The following ANKRD30A variants were observed in gnomAD, a reference collection of about 807,000 sequenced individuals.
The protein encoded by ANKRD30A is ankyrin repeat domain-containing protein 30A.
A neutral mutation model predicts 166.3 loss-of-function variants in ANKRD30A; 170 were observed. The ratio of observed to expected loss-of-function variants is 1.02; its 90% CI spans 0.90 to 1.16. The LOEUF is 1.16. ANKRD30A is among the 50% of genes most tolerant of loss of function. ANKRD30A has a pLI of 0.00. For missense variants in ANKRD30A, 1,630 were observed against 1,518.0 expected (o/e 1.07, Z -1.23); for synonymous variants, 564 against 508.9 (o/e 1.11, Z -1.46).
intron 6 of ANKRD30A, among the ~76,000 whole-genome samples, chr10:37,139,398 A>G (rs1836947474): frequency 6.6e-6 from 1 of 152,196 alleles, no homozygotes; most frequent in African/African-American, 2.4e-5. Flanking sequence ...AAAAGCTTTG[A>G]GTCAACACAC....
At chr10:37,201,370 C>A (rs772370501) in intron 31 of ANKRD30A, 45 bp downstream of exon 31, 1 of 1,408,728 alleles carries the variant, frequency 7.1e-7, no homozygotes, top group Admixed American at 2.2e-5. Context: ...CCAAGTATTT[C>A]TCTAAAATGA....
At position 37,193,560 on chromosome 10, in the gene ANKRD30A, CTG is replaced by C. The variant is rs753567998; in HGVS notation, c.2614+305_2614+306del. On this transcript the variant is annotated intron_variant, in intron 27 of 35. Coordinates refer to ENST00000361713, the MANE Select transcript of ANKRD30A (RefSeq NM_052997.3). ...GTTTTAAGGTAGGTGAATTTTGAGA[CTG>C]TGAAATATTTGCAGTGGTTCAAAGG... Among the ~76,000 whole-genome samples, 4 of 151,942 alleles carry C rather than the reference CTG, an allele frequency of 2.6e-5. No individual in the cohort carries two copies. In the East Asian group the frequency reaches 5.8e-4, roughly 22 times the overall value.
the ANKRD30A span, among the ~76,000 whole-genome samples, chr10:37,254,683 CTTT>C: frequency 7.9e-6 from 1 of 126,536 alleles, no homozygotes; most frequent in Non-Finnish European, 1.7e-5. Context: ...CTTTTCTTTT[CTTT>C]TTTTTTTTTT....
At chr10:37,165,255 C>A in intron 18 of ANKRD30A, 100 bp downstream of exon 18, 1 of 1,122,964 alleles carries the variant, frequency 8.9e-7, no homozygotes, top group Non-Finnish European at 1.3e-6. Flanking sequence ...GCATGTGTCA[C>A]CCTCAAATTA....
At chr10:37,166,749 A>T in intron 19 of ANKRD30A, 54 bp downstream of exon 19, 2 of 1,607,458 alleles carry the variant, frequency 1.2e-6, no homozygotes, top group Non-Finnish European at 8.5e-7. Flanking sequence ...CTCTAAACTG[A>T]TGAGGAAGGA....
chr10:37,258,366 T>A, the ANKRD30A span, among the ~76,000 whole-genome samples: 1 of 152,134 alleles, frequency 6.6e-6, no homozygotes, highest in African/African-American at 2.4e-5. Context: ...AGCTCAAGAA[T>A]GTATACCATC....
At position 37,197,269 on chromosome 10, in the gene ANKRD30A, T is replaced by A. The variant is rs1370005201; in HGVS notation, c.2615-12T>A. ...TACTTATGATTGATGATAAATCTCT[T>A]TTGCTTTTTAGAGCCTCCCGAGAAG... On this transcript the variant is annotated splice_polypyrimidine_tract_variant and intron_variant, in intron 27 of 35. Transcript: ENST00000361713. 2 of 1,612,176 alleles carry A rather than the reference T, an allele frequency of 1.2e-6. No individual in the cohort carries two copies. Among genetic ancestry groups the A allele is most frequent in the Admixed American group, 1.7e-5 (1 of 59,950 alleles).
At chr10:37,195,140 G>T (rs563322475) in intron 27 of ANKRD30A, among the ~76,000 whole-genome samples, 9 of 152,272 alleles carry the variant, frequency 5.9e-5, no homozygotes, top group Admixed American at 2.6e-4. Flanking sequence ...CAGATCAGAA[G>T]TTAGAACAAG....
the ANKRD30A span, among the ~76,000 whole-genome samples, chr10:37,239,597 A>G: frequency 1.5e-4 from 23 of 152,284 alleles, no homozygotes; most frequent in Non-Finnish European, 2.9e-4. Context: ...TTAATAAAGG[A>G]CAGAGTTTTG....
At chr10:37,234,724 T>C (rs1843599050), downstream of ANKRD30A, among the ~76,000 whole-genome samples, 1 of 152,234 alleles carries the variant, frequency 6.6e-6, no homozygotes. Flanking sequence ...AATTTTCTAA[T>C]AATTTATTTA....
chr10:37,231,341 C>A lies in ANKRD30A; in HGVS notation c.4186-120C>A, dbSNP rs368571346. ...CTCACACATCTTCATTGTTAAAGCA[C>A]GGCTTAATGGGAAATGTTATTTATT... is the stretch of plus-strand genomic sequence containing the variant. On this transcript the variant is annotated intron_variant, in intron 34 of 35. Transcript: ENST00000361713. 8.5e-6 allele frequency: 6 copies of A among 705,020 alleles called. No homozygotes were observed. The African/African-American group carries it at 9.3e-5, about 11-fold the overall frequency. 43.7% of individuals were successfully genotyped at this position (705,020 alleles called of 1,614,324 possible). A position where few individuals can be genotyped will look rare whatever the true frequency, so the allele number is the denominator to read the frequency against.
At chr10:37,157,089 T>A (rs1448984637) in intron 13 of ANKRD30A, among the ~76,000 whole-genome samples, 1 of 152,188 alleles carries the variant, frequency 6.6e-6, no homozygotes, top group Non-Finnish European at 1.5e-5. Flanking sequence ...AATGAGTGAT[T>A]AAACATGTTT....
At chr10:37,126,052 G>A (rs539960679) in intron 1 of ANKRD30A, 44 bp downstream of exon 1, 8 of 1,599,696 alleles carry the variant, frequency 5.0e-6, no homozygotes, top group South Asian at 4.4e-5. Context: ...GGAGGTGGGG[G>A]CGGTGGGAGG....
At chr10:37,183,507 T>G (rs1840177470) in intron 24 of ANKRD30A, among the ~76,000 whole-genome samples, 1 of 146,904 alleles carries the variant, frequency 6.8e-6, no homozygotes, top group Non-Finnish European at 1.5e-5. Flanking sequence ...CTCTTTTTCT[T>G]TTTTAAAAAG....
the ANKRD30A span, chr10:37,241,297 TATATA>T: frequency 6.6e-6 from 1 of 150,986 alleles, no homozygotes; most frequent in South Asian, 2.1e-4. Context: ...TTTTTAAAAT[TATATA>T]ATATAAAAAA....
chr10:37,260,663 G>A, the ANKRD30A span, among the ~76,000 whole-genome samples: 1 of 152,122 alleles, frequency 6.6e-6, no homozygotes, highest in African/African-American at 2.4e-5. Flanking sequence ...CATAAAAGTC[G>A]ATTCTTCAAC....
rs1372889334 is a variant in ANKRD30A at position 37,219,347 on chromosome 10, T to C, written c.3635T>C (p.Ile1212Thr). Residue 1212 changes from isoleucine to threonine, a missense_variant, in exon 34 of 36, where the codon ATT becomes ACT. Coordinates refer to ENST00000361713, the MANE Select transcript of ANKRD30A (RefSeq NM_052997.3). ...TCTGCTGTACAAGACCATGATCAAA[T>C]TGTGACATCAAGAAAAAGTCAAGAA... ...LASAVQDHDQ[I>T]VTSRKSQEPA... is the part of the protein sequence containing the mutation. 1 of 1,610,268 alleles carries C rather than the reference T, an allele frequency of 6.2e-7. No homozygotes were observed. Among genetic ancestry groups the C allele is most frequent in the Admixed American group, 1.7e-5 (1 of 59,636 alleles).
chr10:37,253,550 T>C, the ANKRD30A span, among the ~76,000 whole-genome samples: 2 of 152,152 alleles, frequency 1.3e-5, no homozygotes, highest in East Asian at 3.9e-4. Flanking sequence ...TTTCTGTCTC[T>C]ATAGGTGTGA....
rs1451243255 is a variant in ANKRD30A at position 37,147,429 on chromosome 10, AG to A, written c.1516del (p.Val506Ter). ...GTATACCTGAGTCTATATATCAAAA[AG>A]TAATGGAGATAAATAGAGAAGTAGA... ...VCIPESIYQK[V>X]MEINREVEEP... On this transcript the variant is annotated frameshift_variant, in exon 9 of 36. Transcript: ENST00000361713. LOFTEE classifies it high-confidence loss of function. 6.3e-7 allele frequency: 1 copy of A among 1,592,758 alleles called. No homozygotes were observed. The highest frequency in any genetic ancestry group is 1.1e-5 in the South Asian group (1 of 87,772).
Sources: gnomAD v4.1 joint callset for allele counts (sites outside exome capture counted in the v4.1 genomes callset) on GRCh38, gnomAD v4.1.1 for gene constraint, MANE v1.5 for transcripts, NCBI Gene and HGNC (gene_info 2026-07-23, HGNC 2026-07-21) for gene names.